Variants in PRDM10 observed in about 807,000 individuals in gnomAD.
PRDM10 encodes PR/SET domain 10, also known as PR domain zinc finger protein 10.
In PRDM10, 65 loss-of-function variants were observed where a neutral mutation model predicts 133.1. That is an observed-to-expected ratio of 0.49 (90% CI 0.40 to 0.60). The LOEUF is 0.60. Ranked by LOEUF, PRDM10 falls within the 20% of genes least tolerant of loss-of-function variation. PRDM10 has a pLI of 0.00. For synonymous variants in PRDM10, 582 were observed against 580.4 expected (o/e 1.00, Z -0.04); for missense variants, 1,137 against 1,507.1 (o/e 0.75, Z 4.07).
intron 8 of PRDM10, among the ~76,000 whole-genome samples, chr11:129,937,134 C>T (rs1951059478): frequency 6.6e-6 from 1 of 152,178 alleles, no homozygotes; most frequent in Non-Finnish European, 1.5e-5. Context: ...GAAGGCAGCA[C>T]AAAGAAACTT....
In PRDM10 at chr11:129,944,745, G is replaced by A. The variant is rs948284818; in HGVS notation, c.762+26C>T. ...CTTCAAACACTGGTAAAGGACAGGA[G>A]TGAAGTGTGATAGAGCATAAATTAC... is the stretch of plus-strand genomic sequence containing the variant. On this transcript the variant is annotated intron_variant, in intron 6 of 20. Transcript: ENST00000360871. 1.2e-5 allele frequency: 19 copies of A among 1,612,934 alleles called. 1 individual carries two copies. The African/African-American group carries it at 1.2e-4, about 10-fold the overall frequency.
intron 1 of PRDM10, among the ~76,000 whole-genome samples, chr11:129,962,521 G>GC (rs1951816449): frequency 6.6e-6 from 1 of 152,182 alleles, no homozygotes. Flanking sequence ...ATTTGGGGGG[G>GC]ACTTGAAAGA....
chr11:129,969,060 AG>A (rs1339054580), intron 1 of PRDM10, among the ~76,000 whole-genome samples: 1 of 152,204 alleles, frequency 6.6e-6, no homozygotes, highest in Admixed American at 6.5e-5. Context: ...CCCGCTGCAC[AG>A]CTAGCAAAAA....
intron 4 of PRDM10, among the ~76,000 whole-genome samples, chr11:129,950,233 A>C (rs1951547715): frequency 6.6e-6 from 1 of 152,036 alleles, no homozygotes; most frequent in Non-Finnish European, 1.5e-5. Flanking sequence ...CCCTGTCTCA[A>C]ATAATAATAA....
chr11:129,983,385 C>T (rs1938227982), intron 1 of PRDM10, among the ~76,000 whole-genome samples: 1 of 151,860 alleles, frequency 6.6e-6, no homozygotes, highest in Non-Finnish European at 1.5e-5. Flanking sequence ...AGCTCTGCCT[C>T]CCAGGTTCAT....
At chr11:129,924,395 C>T (rs906250400) in intron 12 of PRDM10, among the ~76,000 whole-genome samples, 8 of 152,200 alleles carry the variant, frequency 5.3e-5, no homozygotes, top group Admixed American at 5.2e-4. Flanking sequence ...TTTGCTCCAA[C>T]AAAGAATACA....
At chr11:129,902,580 G>A in intron 20 of PRDM10, 64 bp from the exon 21 acceptor site, 1 of 1,546,744 alleles carries the variant, frequency 6.5e-7, no homozygotes, top group Non-Finnish European at 8.7e-7. Flanking sequence ...AAGCTACTGG[G>A]GAAGGAGGGA....
intron 11 of PRDM10, among the ~76,000 whole-genome samples, chr11:129,926,762 T>C (rs1950691087): frequency 1.3e-5 from 2 of 152,224 alleles, no homozygotes; most frequent in African/African-American, 4.8e-5. Context: ...TCATACTTTA[T>C]TCTCCTTTGT....
At chr11:129,915,126 A>G in intron 16 of PRDM10, 108 bp from the exon 17 acceptor site, 1 of 1,205,154 alleles carries the variant, frequency 8.3e-7, no homozygotes, top group Non-Finnish European at 1.1e-6. Context: ...TGTCTTAAAA[A>G]AAGAAAAATC....
chr11:129,927,716 C>A (rs1950725937), intron 11 of PRDM10, among the ~76,000 whole-genome samples: 1 of 152,058 alleles, frequency 6.6e-6, no homozygotes, highest in East Asian at 1.9e-4. Flanking sequence ...CACTCAAGAA[C>A]TAGATTGTAT....
intron 1 of PRDM10, among the ~76,000 whole-genome samples, chr11:129,971,300 C>T (rs1252791708): frequency 6.6e-6 from 1 of 152,220 alleles, no homozygotes; most frequent in African/African-American, 2.4e-5. Context: ...ATTCTCTTAT[C>T]TGGCCCCACA....
chr11:129,919,966 C>A (rs1035947393), intron 13 of PRDM10, among the ~76,000 whole-genome samples: 1 of 152,164 alleles, frequency 6.6e-6, no homozygotes. Flanking sequence ...GAATGTTCAG[C>A]GCTTTGTAGG....
At chr11:129,939,596 G>C in intron 7 of PRDM10, among the ~76,000 whole-genome samples, 1 of 152,152 alleles carries the variant, frequency 6.6e-6, no homozygotes, top group East Asian at 1.9e-4. Flanking sequence ...GCACAAACCT[G>C]GTCAAGCTCT....
chr11:129,951,228 TGA>T (rs1951574031), intron 4 of PRDM10, among the ~76,000 whole-genome samples: 1 of 152,232 alleles, frequency 6.6e-6, no homozygotes, highest in Admixed American at 6.5e-5. Flanking sequence ...TGAATCCCTC[TGA>T]GGCCAGGTGA....
At chr11:129,956,295 C>T (rs1300806586) in intron 3 of PRDM10, among the ~76,000 whole-genome samples, 1 of 152,146 alleles carries the variant, frequency 6.6e-6, no homozygotes, top group Non-Finnish European at 1.5e-5. Context: ...TGGCTGGGCG[C>T]GGTGACTCAC....
Position 129,918,556 on chromosome 11 carries a change from G to A in PRDM10, c.2197C>T (p.Arg733Trp), listed in dbSNP as rs748897578. 6 of 1,613,954 alleles carry A rather than the reference G, an allele frequency of 3.7e-6. No individual in the cohort carries two copies. Among genetic ancestry groups the A allele is most frequent in the East Asian group, 2.2e-5 (1 of 44,866 alleles). ...GCACTGACCAGCATGCCGCGCCGCC[G>A]GAAGCCCATCATGCACAGGCGGCAC... ...FKCRLCMMGF[R>W]RRGMLVNHLS... is the part of the protein sequence containing the mutation. Residue 733 changes from arginine (R) to tryptophan (W), a missense_variant, in exon 14 of 21, where the codon CGG (arginine) becomes TGG (tryptophan). Around this residue, in one of 6 missense-constraint regions of PRDM10, gnomAD observed 65 missense variants for 151.1 expected, o/e 0.43. Transcript: ENST00000360871. The surrounding 1 kb of genome is among the most constrained non-coding windows in gnomAD (Gnocchi z 5.3).
intron 12 of PRDM10, among the ~76,000 whole-genome samples, chr11:129,924,084 T>G (rs924139331): frequency 2.0e-5 from 3 of 152,252 alleles, no homozygotes; most frequent in Non-Finnish European, 4.4e-5. Context: ...GGATGGAAGC[T>G]AAGTAGTGAG....
intron 13 of PRDM10, among the ~76,000 whole-genome samples, chr11:129,920,066 A>G (rs1950477690): frequency 6.6e-6 from 1 of 152,146 alleles, no homozygotes; most frequent in Admixed American, 6.6e-5. Flanking sequence ...TTGCATTGCC[A>G]CTTTTTTTCT....
Position 129,915,780 on chromosome 11 carries a change from C to A in PRDM10, c.2406G>T (p.Lys802Asn). Reference protein sequence around the residue: ...PGAELPPSIRKLRPAGPGEPD... With the variant: ...PGAELPPSIRNLRPAGPGEPD... ...GCTCTCCAGGACCAGCGGGTCGGAG[C>A]TTCCGAATGCTCGGTGGGAGCTCTG... Residue 802 changes from lysine to asparagine, a missense_variant, in exon 16 of 21, where the codon AAG (lysine) becomes AAT (asparagine). Around this residue, in one of 6 missense-constraint regions of PRDM10, gnomAD observed 65 missense variants for 151.1 expected, o/e 0.43. Coordinates refer to ENST00000360871, the MANE Select transcript of PRDM10 (RefSeq NM_199437.2). The A allele has an allele frequency of 6.2e-7, 1 of 1,614,200 alleles. No homozygotes were observed. The highest frequency in any genetic ancestry group is 8.5e-7 in the Non-Finnish European group (1 of 1,180,038).
Sources: gnomAD v4.1 joint callset for allele counts (sites outside exome capture counted in the v4.1 genomes callset) on GRCh38, gnomAD v4.1.1 for gene constraint, gnomAD v4.1.1 regional missense constraint, Gnocchi (gnomAD v3.1) non-coding constraint, MANE v1.5 for transcripts, NCBI Gene and HGNC (gene_info 2026-07-23, HGNC 2026-07-21) for gene names.